The following STK3 variants were observed in gnomAD, a reference collection of about 807,000 sequenced individuals.
STK3 encodes the protein serine/threonine kinase 3.
In STK3, 41 loss-of-function variants were observed where a neutral mutation model predicts 58.0. The observed-to-expected ratio is 0.71, with a 90% CI of 0.55 to 0.92. The LOEUF is 0.92. Among genes scored for constraint, STK3 ranks in the 40% least tolerant of loss-of-function variants. The probability of loss-of-function intolerance (pLI) is 0.00; values close to 1 mark genes in which losing one functional copy is unlikely to be tolerated. For missense variants in STK3, 479 were observed against 602.7 expected, an observed-to-expected ratio of 0.79 and a Z score of 2.15; for synonymous variants, 170 against 191.0, an observed-to-expected ratio of 0.89 and a Z score of 0.91.
rs1340383259 is a variant in STK3, at chr8:98,650,914, CACAG to C, written c.685-54749_685-54746del. On this transcript the variant is annotated intron_variant, in intron 6 of 10. Transcript: ENST00000419617. ...GTAGGCTGCACCTCTGGAGGAAGGG[CACAG>C]ACAAACAAAAAGACAGCAGTAACCT... 2.6e-5 allele frequency among the ~76,000 whole-genome samples: 4 copies of C among 152,348 alleles called. No homozygotes were observed. In the East Asian group the frequency reaches 7.7e-4, roughly 29 times the overall value.
At position 98,598,834 on chromosome 8, in the gene STK3, A is replaced by G. The variant is rs907357131; in HGVS notation, c.685-2665T>C. 2.1e-4 allele frequency: 206 copies of G among 985,446 alleles called. 1 individual carries two copies. The highest frequency in any genetic ancestry group is 1.1e-4 in the East Asian group (1 of 8,824). The allele number at this position is 985,446 out of a possible 1,614,324, so 61.0% of individuals were successfully genotyped here. Reference sequence around the variant, plus strand: ...TACACAATGTGTTGCTTAACTACATACCAAACCTCTGATTATGTTTCTAAA... The same window carrying G: ...TACACAATGTGTTGCTTAACTACATGCCAAACCTCTGATTATGTTTCTAAA... On this transcript the variant is annotated intron_variant, in intron 6 of 10. Coordinates refer to ENST00000419617, the MANE Select transcript of STK3 (RefSeq NM_006281.4).
At chr8:98,590,351 C>T (rs978620096) in intron 7 of STK3, among the ~76,000 whole-genome samples, 8 of 152,132 alleles carry the variant, frequency 5.3e-5, no homozygotes, top group Non-Finnish European at 7.3e-5. Context: ...GAAAGCTCGG[C>T]GTCCGTGATG....
intron 6 of STK3, among the ~76,000 whole-genome samples, chr8:98,690,256 C>T (rs761037228): frequency 1.8e-4 from 27 of 152,122 alleles, no homozygotes; most frequent in Non-Finnish European, 3.8e-4. Flanking sequence ...GTCAAATTAT[C>T]TCTCTTCACT....
chr8:98,477,895 T>A (rs1393262478), intron 10 of STK3, among the ~76,000 whole-genome samples: 1 of 151,954 alleles, frequency 6.6e-6, no homozygotes, highest in African/African-American at 2.4e-5. Context: ...TTTAGCAGCA[T>A]CCCCAGCGTC....
Position 98,722,624 on chromosome 8 carries a change from C to A in STK3, c.352-15313G>T, listed in dbSNP as rs182859341. On this transcript the variant is annotated intron_variant, in intron 4 of 10. Transcript: ENST00000419617. ...AGTTTTGTTTTCAAATAATCTCTAG[C>A]TGTTTTAACAAATTTCATTCACATA... The A allele has an allele frequency of 3.5e-3, 541 of 154,024 alleles. 1 individual carries two copies. Among genetic ancestry groups the A allele is most frequent in the Non-Finnish European group, 6.0e-3 (416 of 69,104 alleles). The allele number at this position is 154,024 out of a possible 1,614,324, so 9.5% of individuals were successfully genotyped here.
chr8:98,402,685 T>A (rs1405968298), intron 3 of STK3, among the ~76,000 whole-genome samples: 2 of 152,200 alleles, frequency 1.3e-5, no homozygotes, highest in African/African-American at 2.4e-5. Context: ...GAGGGCCTCA[T>A]CTGTGCAGGG....
chr8:98,555,181 C>T (rs927734582), intron 8 of STK3, among the ~76,000 whole-genome samples: 3 of 152,084 alleles, frequency 2.0e-5, no homozygotes, highest in Non-Finnish European at 4.4e-5. Context: ...CTAAGACATG[C>T]TTATGCTAAA....
chr8:98,485,279 T>G (rs1438771376), intron 10 of STK3, among the ~76,000 whole-genome samples: 2 of 152,194 alleles, frequency 1.3e-5, no homozygotes, highest in Non-Finnish European at 2.9e-5. Context: ...AATGCTTTAG[T>G]GGCAGACCAG....
chr8:98,882,675 C>T (rs1837842173), downstream of STK3: 1 of 152,262 alleles, frequency 6.6e-6, no homozygotes, highest in Non-Finnish European at 1.5e-5. Flanking sequence ...CCTCGGCCTC[C>T]CAAAGTGCCG....
chr8:98,559,876 T>C (rs1030223362), intron 8 of STK3, among the ~76,000 whole-genome samples: 15 of 152,094 alleles, frequency 9.9e-5, no homozygotes, highest in African/African-American at 3.6e-4. Context: ...AGGATAACTA[T>C]ATTTTGAATG....
intron 3 of STK3, among the ~76,000 whole-genome samples, chr8:98,837,475 A>G (rs1835790118): frequency 6.6e-6 from 1 of 152,210 alleles, no homozygotes; most frequent in Admixed American, 6.5e-5. Context: ...TACAAACCTA[A>G]GTTCCAGAAC....
intron 6 of STK3, among the ~76,000 whole-genome samples, chr8:98,686,626 T>C (rs530640490): frequency 1.4e-4 from 22 of 152,182 alleles, no homozygotes; most frequent in Non-Finnish European, 3.2e-4. Flanking sequence ...ATTCAGAATA[T>C]GGATGGCAAA....
intron 3 of STK3, among the ~76,000 whole-genome samples, chr8:98,837,210 C>T (rs1835778104): frequency 1.3e-5 from 2 of 151,678 alleles, no homozygotes. Flanking sequence ...AAAATATGGC[C>T]CTTGCCCTCT....
rs372516439 is a variant in STK3, at chr8:98,413,869, G to T, written n.484-12356C>A. 4 of 500,316 alleles carry T rather than the reference G, an allele frequency of 8.0e-6. No individual in the cohort carries two copies. In the Admixed American group the frequency reaches 9.3e-5, roughly 12 times the overall value. The allele number at this position is 500,316 out of a possible 1,614,324, so 31.0% of individuals were successfully genotyped here. The stretch of plus-strand genomic sequence containing the variant: ...CAAGCCAGTAATGGTGTGTCAAGAG[G>T]GAGTTTTCGTAGGCATCCTCCATTT... On this transcript the variant is annotated intron_variant and non_coding_transcript_variant, in intron 3 of 3. Transcript: ENST00000517832.
At chr8:98,664,895 C>T (rs1209658688) in intron 6 of STK3, among the ~76,000 whole-genome samples, 10 of 151,070 alleles carry the variant, frequency 6.6e-5, no homozygotes, top group Admixed American at 2.0e-4. Flanking sequence ...AGCAAAACTC[C>T]GTCTCAATTA....
intron 4 of STK3, among the ~76,000 whole-genome samples, chr8:98,725,350 A>C (rs945159560): frequency 6.6e-6 from 1 of 152,332 alleles, no homozygotes; most frequent in Middle Eastern, 3.4e-3. Flanking sequence ...GGTAGATGTG[A>C]AGACATTAAC....
intron 1 of STK3, among the ~76,000 whole-genome samples, chr8:98,892,359 A>T (rs1170805759): frequency 6.6e-6 from 1 of 152,168 alleles, no homozygotes; most frequent in Non-Finnish European, 1.5e-5. Flanking sequence ...TCCACACTGC[A>T]ACTGCAACAA....
intron 1 of STK3, among the ~76,000 whole-genome samples, chr8:98,940,682 C>CA (rs934824304): frequency 1.3e-5 from 2 of 152,222 alleles, no homozygotes; most frequent in Admixed American, 1.3e-4. Flanking sequence ...CCCGCCCGGA[C>CA]AAGGTCCCCG....
intron 9 of STK3, 69 bp downstream of exon 9, chr8:98,547,900 T>A: frequency 7.4e-7 from 1 of 1,346,278 alleles, no homozygotes; most frequent in Non-Finnish European, 9.6e-7. Flanking sequence ...AACACAGAAC[T>A]AGCCTGGTTC....
Sources: allele counts gnomAD v4.1 joint callset (sites outside exome capture counted in the v4.1 genomes callset), GRCh38; gene constraint gnomAD v4.1.1; transcripts MANE v1.5; gene names NCBI Gene and HGNC (gene_info 2026-07-23, HGNC 2026-07-21).